GINS1: variants seen among roughly 807,000 people sequenced by gnomAD.
GINS1 encodes DNA replication complex GINS protein PSF1.
A neutral mutation model predicts 34.9 loss-of-function variants in GINS1; 26 were observed. The ratio of observed to expected loss-of-function variants is 0.74; its 90% CI spans 0.55 to 1.03. GINS1 has a LOEUF of 1.03. Ranked by LOEUF, GINS1 falls within the 50% of genes least tolerant of loss-of-function variation. GINS1 has a pLI of 0.00. For missense variants in GINS1, 235 were observed against 237.9 expected, an observed-to-expected ratio of 0.99 and a Z score of 0.08; for synonymous variants, 97 against 84.4, an observed-to-expected ratio of 1.15 and a Z score of -0.82.
In GINS1 at chr20:25,417,183, C is replaced by A; in HGVS notation, c.220C>A (p.Arg74Ser). ...ACACTGTTCTCTGTTAAGAAATCGA[C>A]GCTGCACTGTAGCATACCTGTAAGC... Reference protein sequence around the residue: ...FRHCSLLRNRRCTVAYLYDRL... With the variant: ...FRHCSLLRNRSCTVAYLYDRL... The change falls in exon 3 of 7, where the codon CGC (arginine) becomes AGC (serine). Residue 74 changes from arginine (R) to serine (S), a missense_variant. Coordinates refer to ENST00000262460, the MANE Select transcript of GINS1 (RefSeq NM_021067.5). 1 of 1,566,100 alleles carries A rather than the reference C, an allele frequency of 6.4e-7. No individual in the cohort carries two copies. The highest frequency in any genetic ancestry group is 8.8e-7 in the Non-Finnish European group (1 of 1,137,066).
chr20:25,424,263 A>G (rs1248950090), intron 4 of GINS1, among the ~76,000 whole-genome samples: 1 of 152,158 alleles, frequency 6.6e-6, no homozygotes, highest in Non-Finnish European at 1.5e-5. Context: ...AGAGCATTTC[A>G]ACTATTAGCC....
intron 5 of GINS1, among the ~76,000 whole-genome samples, chr20:25,427,869 ATTTTTTTTTTT>A (rs11411051): frequency 4.2e-5 from 4 of 94,286 alleles, no homozygotes; most frequent in African/African-American, 1.7e-4. Context: ...CCAGTTCGTC[ATTTTTTTTTTT>A]TTTTTTTTGA....
chr20:25,443,298 AT>A (rs2090492870), intron 6 of GINS1, among the ~76,000 whole-genome samples: 1 of 152,186 alleles, frequency 6.6e-6, no homozygotes, highest in African/African-American at 2.4e-5. Flanking sequence ...TGTCCCAAGT[AT>A]TCTCTTAGGA....
intron 1 of GINS1, 32 bp downstream of exon 1, chr20:25,407,927 C>G: frequency 1.3e-6 from 2 of 1,540,346 alleles, no homozygotes; most frequent in African/African-American, 1.4e-5. Context: ...ACGGGGCATG[C>G]CGGCGTTGGG....
At chr20:25,428,273 A>G (rs1246822776) in intron 5 of GINS1, among the ~76,000 whole-genome samples, 1 of 150,558 alleles carries the variant, frequency 6.6e-6, no homozygotes, top group South Asian at 2.1e-4. Flanking sequence ...CCTTCTAAGT[A>G]TTATGTTGTT....
chr20:25,428,705 C>T (rs1249989652), intron 5 of GINS1, among the ~76,000 whole-genome samples: 1 of 151,866 alleles, frequency 6.6e-6, no homozygotes, highest in South Asian at 2.1e-4. Flanking sequence ...CACCCGGCCT[C>T]CAAGCATAAT....
rs751101336 is a variant in GINS1 at position 25,417,200 on chromosome 20, C to T, written c.237C>T (p.Tyr79=). 2 of 1,498,708 alleles carry T rather than the reference C, an allele frequency of 1.3e-6. No homozygotes were observed. The highest frequency in any genetic ancestry group is 1.7e-5 in the Admixed American group (1 of 58,084). 92.8% of individuals were successfully genotyped at this position (1,498,708 alleles called of 1,614,324 possible). ...GAAATCGACGCTGCACTGTAGCATA[C>T]CTGTAAGCTTCTCAGTTTTTGCTTG... ...LLRNRRCTVA[Y]LYDRLLRIRA... Residue 79 remains tyrosine (Y), a splice_region_variant and synonymous_variant, in exon 3 of 7, where the codon TAC becomes TAT. Coordinates refer to ENST00000262460, the MANE Select transcript of GINS1 (RefSeq NM_021067.5).
chr20:25,423,391 A>C (rs2500448), intron 4 of GINS1, among the ~76,000 whole-genome samples: 92,283 of 146,964 alleles, frequency 0.63, 30,126 homozygotes, highest in African/African-American at 0.8. Flanking sequence ...GGATTACAGG[A>C]GTGAGCCACC....
At position 25,407,982 on chromosome 20, in the gene GINS1, C is replaced by T; in HGVS notation, c.75+87C>T. 3.1e-6 allele frequency: 3 copies of T among 957,458 alleles called. No individual in the cohort carries two copies. In the East Asian group the frequency reaches 7.6e-5, roughly 24 times the overall value. The allele number at this position is 957,458 out of a possible 1,614,324, so 59.3% of individuals were successfully genotyped here. A position where few individuals can be genotyped will look rare whatever the true frequency, so the allele number is the denominator to read the frequency against. On this transcript the variant is annotated intron_variant, in intron 1 of 6. Coordinates refer to ENST00000262460, the MANE Select transcript of GINS1 (RefSeq NM_021067.5). ...GCGGCTCCCCGTCAGGGTTCACTTT[C>T]GCACCTTGTTCCCTCCGAGCTCCGG...
chr20:25,432,855 TTATTA>T (rs1201425407), intron 5 of GINS1, among the ~76,000 whole-genome samples: 2 of 148,514 alleles, frequency 1.3e-5, no homozygotes, highest in Admixed American at 1.4e-4. Flanking sequence ...TAGTATATGT[TTATTA>T]TATATTAACT....
intron 5 of GINS1, among the ~76,000 whole-genome samples, chr20:25,430,158 G>A (rs1405365960): frequency 2.6e-5 from 4 of 152,148 alleles, no homozygotes; most frequent in South Asian, 2.1e-4. Flanking sequence ...TCATCCACCC[G>A]CCTTGGCCTC....
chr20:25,440,831 A>AT (rs1436486182), intron 5 of GINS1, among the ~76,000 whole-genome samples: 1 of 150,014 alleles, frequency 6.7e-6, no homozygotes, highest in African/African-American at 2.5e-5. Context: ...AAAAAAAAAA[A>AT]AGAAAGAAAA....
intron 5 of GINS1, among the ~76,000 whole-genome samples, chr20:25,426,949 C>T (rs6083856): frequency 0.6 from 90,498 of 151,852 alleles, 28,034 homozygotes; most frequent in African/African-American, 0.72. Flanking sequence ...ATTTTATGAT[C>T]AATGCTGCTA....
chr20:25,408,189 T>G (rs2090259587), intron 1 of GINS1, among the ~76,000 whole-genome samples: 2 of 152,260 alleles, frequency 1.3e-5, no homozygotes, highest in Admixed American at 1.3e-4. Context: ...TAGCATTTCT[T>G]GCTCACTCAG....
At chr20:25,428,967 CTCTTTTTTTTTTTTTTTTTTTTTTTTTT>C (rs1398437109) in intron 5 of GINS1, among the ~76,000 whole-genome samples, 2 of 114,162 alleles carry the variant, frequency 1.8e-5, no homozygotes, top group Admixed American at 2.2e-4. Flanking sequence ...TCATTCCTCT[CTCTTTTTTTTTTTTTTTTTTTTTTTTTT>C]TTTTTTTTTT....
intron 5 of GINS1, among the ~76,000 whole-genome samples, chr20:25,441,105 A>C (rs534839082): frequency 6.6e-6 from 1 of 152,208 alleles, no homozygotes; most frequent in Non-Finnish European, 1.5e-5. Flanking sequence ...GGCAGCACTT[A>C]GTGCTGTAGC....
intron 5 of GINS1, among the ~76,000 whole-genome samples, chr20:25,427,187 CAG>C (rs1205750485): frequency 6.6e-6 from 1 of 152,176 alleles, no homozygotes; most frequent in Non-Finnish European, 1.5e-5. Flanking sequence ...GTTTTTGAGA[CAG>C]AGTTTTGCTC....
chr20:25,426,340 G>C (rs1009013596), intron 5 of GINS1, among the ~76,000 whole-genome samples: 1 of 151,768 alleles, frequency 6.6e-6, no homozygotes, highest in African/African-American at 2.4e-5. Context: ...GAGGAAGGAG[G>C]ATCACCTGAG....
chr20:25,409,120 G>A (rs6115172), intron 1 of GINS1: 21,277 of 728,112 alleles, frequency 0.029, 363 homozygotes, highest in South Asian at 0.074. Flanking sequence ...AAGTCACGTG[G>A]TCACACTGGA....
Sources: allele counts gnomAD v4.1 joint callset (sites outside exome capture counted in the v4.1 genomes callset), GRCh38; gene constraint gnomAD v4.1.1; transcripts MANE v1.5; gene names NCBI Gene and HGNC (gene_info 2026-07-23, HGNC 2026-07-21).